Variants in REEP3 observed in about 807,000 individuals in gnomAD.
The protein encoded by REEP3 is receptor accessory protein 3, also known as receptor expression-enhancing protein 3.
In REEP3, 20 loss-of-function variants were observed where a neutral mutation model predicts 41.3. That is an observed-to-expected ratio of 0.48 (90% CI 0.34 to 0.70). The LOEUF (loss-of-function observed/expected upper bound fraction) is 0.70, where lower values mean the gene tolerates loss of function less well. REEP3 is among the 30% of genes least tolerant of loss of function. The pLI, the probability that REEP3 is intolerant of heterozygous loss-of-function variation, is 0.01. For synonymous variants in REEP3, 104 were observed against 101.8 expected, an observed-to-expected ratio of 1.02 and a Z score of -0.13; for missense variants, 271 against 308.8, an observed-to-expected ratio of 0.88 and a Z score of 0.92.
intron 2 of REEP3, among the ~76,000 whole-genome samples, chr10:63,585,279 G>A (rs1955993894): frequency 6.6e-6 from 1 of 152,112 alleles, no homozygotes; most frequent in Non-Finnish European, 1.5e-5. Flanking sequence ...TCAAATGGCA[G>A]GGGTGGTTGT....
At chr10:63,591,843 T>C (rs568002175) in intron 2 of REEP3, among the ~76,000 whole-genome samples, 4 of 152,360 alleles carry the variant, frequency 2.6e-5, no homozygotes, top group East Asian at 3.9e-4. Flanking sequence ...CTACCGTCTG[T>C]ACAGTCCTTT....
At chr10:63,592,894 A>G (rs916995904) in intron 2 of REEP3, among the ~76,000 whole-genome samples, 20 of 150,128 alleles carry the variant, frequency 1.3e-4, no homozygotes, top group South Asian at 2.1e-4. Context: ...CTCTGTCTCA[A>G]AAAACAAAAA....
intron 1 of REEP3, among the ~76,000 whole-genome samples, chr10:63,522,899 C>T (rs1328671833): frequency 2.0e-5 from 3 of 152,000 alleles, no homozygotes; most frequent in Non-Finnish European, 2.9e-5. Flanking sequence ...CTTTTCCTGG[C>T]CTCTCTTTTG....
intron 2 of REEP3, among the ~76,000 whole-genome samples, chr10:63,593,113 T>C (rs1481614499): frequency 1.3e-5 from 2 of 152,250 alleles, no homozygotes; most frequent in African/African-American, 4.8e-5. Flanking sequence ...TTACAATTGC[T>C]TCAGAAGTTA....
chr10:63,574,604 T>C (rs1453259943), intron 2 of REEP3, among the ~76,000 whole-genome samples: 1 of 152,150 alleles, frequency 6.6e-6, no homozygotes. Flanking sequence ...TATTCACAGC[T>C]GATCTCCACA....
At position 63,566,403 on chromosome 10, in the gene REEP3, AG is replaced by A; in HGVS notation, c.100del (p.Glu34AsnfsTer6). Reference protein sequence around the residue: ...SYKAVKTKNVKEYVRWMMYWI... With the variant: ...SYKAVKTKNVXEYVRWMMYWI... ...AAAGCTGTGAAAACAAAAAACGTGA[AG>A]GAATATGTAAGTATAGTTTTATGAG... On this transcript the variant is annotated frameshift_variant, in exon 2 of 8. Coordinates refer to ENST00000373758, the MANE Select transcript of REEP3 (RefSeq NM_001001330.3). LOFTEE classifies it high-confidence loss of function. 6.6e-7 allele frequency: 1 copy of A among 1,508,712 alleles called. No individual in the cohort carries two copies. The allele number at this position is 1,508,712 out of a possible 1,614,324, so 93.5% of individuals were successfully genotyped here. A position where few individuals can be genotyped will look rare whatever the true frequency, so the allele number is the denominator to read the frequency against.
intron 6 of REEP3, among the ~76,000 whole-genome samples, chr10:63,610,554 T>C (rs2133428641): frequency 6.6e-6 from 1 of 152,200 alleles, no homozygotes; most frequent in African/African-American, 2.4e-5. Context: ...ATTCTGCACG[T>C]GTATCCTGGA....
At chr10:63,620,768 A>T (rs756572643) in intron 7 of REEP3, 45 bp from the exon 8 acceptor site, 5 of 1,289,498 alleles carry the variant, frequency 3.9e-6, no homozygotes, top group Non-Finnish European at 4.3e-6. Flanking sequence ...GTAATTTTTT[A>T]AAGTAATCAT....
At chr10:63,525,276 A>G (rs151205856) in intron 1 of REEP3, among the ~76,000 whole-genome samples, 1 of 152,346 alleles carries the variant, frequency 6.6e-6, no homozygotes, top group African/African-American at 2.4e-5. Flanking sequence ...TCTATTTCTT[A>G]GAAGAGGCAA....
chr10:63,603,769 C>T (rs976295881), intron 5 of REEP3, among the ~76,000 whole-genome samples: 1 of 152,166 alleles, frequency 6.6e-6, no homozygotes, highest in Non-Finnish European at 1.5e-5. Context: ...TATTCACTAG[C>T]ATATTCATTA....
At chr10:63,602,170 T>A (rs1023073038) in intron 5 of REEP3, among the ~76,000 whole-genome samples, 2 of 151,942 alleles carry the variant, frequency 1.3e-5, no homozygotes, top group Non-Finnish European at 2.9e-5. Context: ...AGAAATGAAA[T>A]AATGGAGTAT....
intron 6 of REEP3, among the ~76,000 whole-genome samples, chr10:63,611,776 CAA>C (rs1207292417): frequency 1.4e-5 from 2 of 147,340 alleles, no homozygotes; most frequent in African/African-American, 5.0e-5. Context: ...AATATCTCTG[CAA>C]AAAAAAATTT....
In REEP3 at chr10:63,624,695, A is replaced by G. The variant is rs537859300; in HGVS notation, c.*3826A>G. ...CTTAGGATTACAGATCACAGAGCAA[A>G]TTATGAAAATCATAAACATTCTGGT... On this transcript the variant is annotated 3_prime_UTR_variant, in exon 8 of 8. Coordinates refer to ENST00000373758, the MANE Select transcript of REEP3 (RefSeq NM_001001330.3). 6.6e-6 allele frequency: 1 copy of G among 152,262 alleles called. No homozygotes were observed. Among genetic ancestry groups the G allele is most frequent in the South Asian group, 2.1e-4 (1 of 4,828 alleles). The allele number at this position is 152,262 out of a possible 1,614,324, so 9.4% of individuals were successfully genotyped here.
chr10:63,614,533 T>C (rs1956298712), intron 6 of REEP3, among the ~76,000 whole-genome samples: 6 of 152,228 alleles, frequency 3.9e-5, no homozygotes, highest in Admixed American at 3.9e-4. Context: ...CATCTCCCTC[T>C]ATGTTCTCTC....
At chr10:63,567,056 A>C (rs1385406261) in intron 2 of REEP3, among the ~76,000 whole-genome samples, 1 of 152,102 alleles carries the variant, frequency 6.6e-6, no homozygotes, top group Non-Finnish European at 1.5e-5. Flanking sequence ...GGCCTTCCCC[A>C]CCTATAAATC....
At chr10:63,610,429 G>A (rs531247489) in intron 6 of REEP3, 95 bp downstream of exon 6, 1 of 1,231,414 alleles carries the variant, frequency 8.1e-7, no homozygotes, top group African/African-American at 1.5e-5. Context: ...GGCACAAGGA[G>A]AGGGAGAGCA....
intron 2 of REEP3, among the ~76,000 whole-genome samples, chr10:63,574,614 A>G (rs1955881444): frequency 6.6e-6 from 1 of 152,106 alleles, no homozygotes; most frequent in African/African-American, 2.4e-5. Context: ...TGATCTCCAC[A>G]GTATCCTGCC....
At chr10:63,533,610 A>G (rs1192418389) in intron 1 of REEP3, among the ~76,000 whole-genome samples, 1 of 151,980 alleles carries the variant, frequency 6.6e-6, no homozygotes, top group Non-Finnish European at 1.5e-5. Flanking sequence ...TAGAAATGAT[A>G]ATGGTTTTAG....
intron 1 of REEP3, among the ~76,000 whole-genome samples, chr10:63,546,929 T>A (rs1955583532): frequency 1.3e-5 from 2 of 151,948 alleles, no homozygotes; most frequent in Non-Finnish European, 2.9e-5. Context: ...TTCGTGACTT[T>A]TTTTTTTTTT....
Sources: allele counts gnomAD v4.1 joint callset (sites outside exome capture counted in the v4.1 genomes callset), GRCh38; gene constraint gnomAD v4.1.1; transcripts MANE v1.5; gene names NCBI Gene and HGNC (gene_info 2026-07-23, HGNC 2026-07-21).